The following ANKRD27 variants were observed in gnomAD, a reference collection of about 807,000 sequenced individuals.
ANKRD27 encodes the protein ankyrin repeat domain-containing protein 27.
Under a neutral mutation model 129.7 loss-of-function variants are expected in ANKRD27, and 112 were observed. The observed-to-expected ratio is 0.86, with a 90% CI of 0.74 to 1.01. The LOEUF (loss-of-function observed/expected upper bound fraction) is 1.01, where lower values mean the gene tolerates loss of function less well. Among genes scored for constraint, ANKRD27 ranks in the 50% least tolerant of loss-of-function variants. The pLI is 0.00. For synonymous variants in ANKRD27, 516 were observed against 511.2 expected (o/e 1.01, Z -0.13); for missense variants, 1,258 against 1,300.5 (o/e 0.97, Z 0.50).
chr19:32,656,928 T>C (rs1046574540), intron 2 of ANKRD27, among the ~76,000 whole-genome samples: 2 of 152,222 alleles, frequency 1.3e-5, no homozygotes, highest in African/African-American at 4.8e-5. Context: ...GTGAATTTTA[T>C]GAGATTTTTA....
chr19:32,597,796 C>T lies in ANKRD27; in HGVS notation c.*349G>A. The T allele has an allele frequency of 3.0e-6, 1 of 332,238 alleles. No homozygotes were observed. The highest frequency in any genetic ancestry group is 5.8e-6 in the Non-Finnish European group (1 of 173,296). The allele number at this position is 332,238 out of a possible 1,614,324, so 20.6% of individuals were successfully genotyped here. ...GTACACAGGTCAGAGAGGTTTAGCA[C>T]CTTTTGGGAGGAGGAGGTCAGAATG... On this transcript the variant is annotated 3_prime_UTR_variant, in exon 29 of 29. Coordinates refer to ENST00000306065, the MANE Select transcript of ANKRD27 (RefSeq NM_032139.3).
Position 32,646,742 on chromosome 19 carries a change from C to T in ANKRD27, c.214-127G>A, listed in dbSNP as rs1031659909. On this transcript the variant is annotated intron_variant, in intron 3 of 28. Transcript: ENST00000306065. ...ACCCCATTGTGGGTTTGCTGGGGCA[C>T]AAATACTCTCCTGTTTTGCTCATTT... 20 of 918,940 alleles carry T rather than the reference C, an allele frequency of 2.2e-5. No individual in the cohort carries two copies. In the South Asian group the frequency reaches 3.4e-4, roughly 16 times the overall value. 56.9% of individuals were successfully genotyped at this position (918,940 alleles called of 1,614,324 possible). A position where few individuals can be genotyped will look rare whatever the true frequency, so the allele number is the denominator to read the frequency against.
intron 17 of ANKRD27, 65 bp downstream of exon 17, chr19:32,625,809 T>C: frequency 7.7e-7 from 1 of 1,294,716 alleles, no homozygotes; most frequent in African/African-American, 1.5e-5. Flanking sequence ...TAATGAGAAA[T>C]CCCGACTTCT....
chr19:32,626,862 A>G (rs1303499658), intron 15 of ANKRD27, 35 bp from the exon 16 acceptor site: 20 of 1,473,366 alleles, frequency 1.4e-5, no homozygotes, highest in Non-Finnish European at 1.9e-5. Context: ...TGGAGAAGGA[A>G]GGCGCAGAGG....
chr19:32,642,928 G>T (rs908358001), intron 9 of ANKRD27, 195 bp downstream of exon 9: 1 of 614,464 alleles, frequency 1.6e-6, no homozygotes, highest in Non-Finnish European at 2.9e-6. Context: ...CTGGTGCAGT[G>T]TGGGAGGGGG....
chr19:32,634,095 T>C (rs1967047422), intron 12 of ANKRD27, among the ~76,000 whole-genome samples: 1 of 152,176 alleles, frequency 6.6e-6, no homozygotes, highest in Admixed American at 6.6e-5. Context: ...CATGAAACTA[T>C]ATTATATAAA....
intron 18 of ANKRD27, 125 bp downstream of exon 18, chr19:32,622,297 A>G: frequency 1.0e-6 from 1 of 999,300 alleles, no homozygotes. Flanking sequence ...ATGCGGCAGA[A>G]AGGGTGCAAG....
Position 32,658,954 on chromosome 19 carries a change from C to A in ANKRD27, c.62G>T (p.Arg21Leu), listed in dbSNP as rs545576973. ...GGCCACTTTGCTGCACAAGTCAGGG[C>A]GGCACTTTTGCAGAGCCAGATAGAA... ...NPFYLALQKCRPDLCSKVAQI... is the reference protein window; with the variant it reads ...NPFYLALQKCLPDLCSKVAQI... Residue 21 changes from arginine (R) to leucine (L), a missense_variant, in exon 2 of 29, where the codon CGC becomes CTC. Arg to Leu is a moderately radical substitution (Grantham distance 102). Transcript: ENST00000306065. 1.2e-5 allele frequency: 20 copies of A among 1,613,904 alleles called. No individual in the cohort carries two copies. Among genetic ancestry groups the A allele is most frequent in the African/African-American group, 4.0e-5 (3 of 74,862 alleles).
chr19:32,626,252 C>A lies in ANKRD27; in HGVS notation c.1537-286G>T, dbSNP rs577438799. Among the ~76,000 whole-genome samples the A allele has an allele frequency of 9.6e-4, 146 of 152,272 alleles. 1 individual carries two copies. The highest frequency in any genetic ancestry group is 2.1e-3 in the South Asian group (10 of 4,828). On this transcript the variant is annotated intron_variant, in intron 16 of 28. Coordinates refer to ENST00000306065, the MANE Select transcript of ANKRD27 (RefSeq NM_032139.3). ...GCACGATCATTGCTCACTGCAGCCT[C>A]GACCTGCTGGGCTCTGGCAAACCTC...
intron 2 of ANKRD27, among the ~76,000 whole-genome samples, chr19:32,656,126 A>G (rs541761569): frequency 2.0e-5 from 3 of 149,954 alleles, no homozygotes; most frequent in African/African-American, 7.4e-5. Flanking sequence ...AGAAAAGAAA[A>G]GAAAAGAAAA....
chr19:32,603,707 T>G (rs2145256807), intron 25 of ANKRD27, among the ~76,000 whole-genome samples: 1 of 143,386 alleles, frequency 7.0e-6, no homozygotes, highest in East Asian at 2.3e-4. Flanking sequence ...CTCGGCTGAT[T>G]TTTTGATTTT....
intron 12 of ANKRD27, among the ~76,000 whole-genome samples, chr19:32,632,858 A>AG (rs1272557293): frequency 2.6e-5 from 4 of 152,216 alleles, no homozygotes; most frequent in Admixed American, 6.5e-5. Context: ...ACCTAAAGAT[A>AG]GAGCTGACAG....
Position 32,602,009 on chromosome 19 carries a change from T to C in ANKRD27, c.2767+6A>G. The C allele has an allele frequency of 6.3e-7, 1 of 1,589,724 alleles. No homozygotes were observed. Among genetic ancestry groups the C allele is most frequent in the Non-Finnish European group, 8.6e-7 (1 of 1,161,080 alleles). On this transcript the variant is annotated splice_donor_region_variant and intron_variant, in intron 26 of 28. Transcript: ENST00000306065. ...TGAGCGTGACAGAAAGAACGTAAAC[T>C]CTTACATTTTTTCCTGATCTTAACA...
At chr19:32,634,745 A>G (rs1299663204) in intron 12 of ANKRD27, among the ~76,000 whole-genome samples, 1 of 152,052 alleles carries the variant, frequency 6.6e-6, no homozygotes, top group Non-Finnish European at 1.5e-5. Flanking sequence ...GCAAAATCCT[A>G]TCTCCACAAA....
chr19:32,617,756 T>TA, intron 20 of ANKRD27, 123 bp from the exon 21 acceptor site: 2 of 363,392 alleles, frequency 5.5e-6, no homozygotes, highest in African/African-American at 2.2e-5. Context: ...TGATTTAGTT[T>TA]TTTTTTTTTT....
In ANKRD27 at chr19:32,628,113, G is replaced by A. The variant is rs1966923970; in HGVS notation, c.1390C>T (p.His464Tyr). ...VTPFSRDDRG[H>Y]TPLHVAAVCG... ...ACAGCAGCCACATGGAGAGGGGTGT[G>A]CCCCCTGTCGTCTCTGGAGAATGGA... Residue 464 changes from histidine (H) to tyrosine (Y), a missense_variant, in exon 15 of 29, where the codon CAC (histidine) becomes TAC (tyrosine). Physicochemically the swap from His to Tyr is moderately conservative, Grantham distance 83. Coordinates refer to ENST00000306065, the MANE Select transcript of ANKRD27 (RefSeq NM_032139.3). 2 of 1,614,110 alleles carry A rather than the reference G, an allele frequency of 1.2e-6. No individual in the cohort carries two copies. Among genetic ancestry groups the A allele is most frequent in the Admixed American group, 1.7e-5 (1 of 60,010 alleles).
In ANKRD27 at chr19:32,619,484, G is replaced by C; in HGVS notation, c.1887+10C>G. On this transcript the variant is annotated intron_variant, in intron 19 of 28. Coordinates refer to ENST00000306065, the MANE Select transcript of ANKRD27 (RefSeq NM_032139.3). Reference sequence around the variant, plus strand: ...AAGGTAACCTGACCTGCTCAGCCCGGCTGACTTACCTCGGACGACTTCTGC... The same window carrying C: ...AAGGTAACCTGACCTGCTCAGCCCGCCTGACTTACCTCGGACGACTTCTGC... 1 of 1,614,100 alleles carries C rather than the reference G, an allele frequency of 6.2e-7. No individual in the cohort carries two copies. The highest frequency in any genetic ancestry group is 8.5e-7 in the Non-Finnish European group (1 of 1,180,022).
intron 2 of ANKRD27, among the ~76,000 whole-genome samples, chr19:32,654,564 G>A (rs1479753283): frequency 6.6e-6 from 1 of 152,230 alleles, no homozygotes; most frequent in East Asian, 1.9e-4. Context: ...ACGGACAAGA[G>A]GGGGCCGGCA....
In ANKRD27 at chr19:32,619,383, C is replaced by G. The variant is rs370093443; in HGVS notation, c.1888-4G>C. 177 of 1,613,474 alleles carry G rather than the reference C, an allele frequency of 1.1e-4. 1 individual carries two copies. The highest frequency in any genetic ancestry group is 1.4e-4 in the Non-Finnish European group (167 of 1,179,986). On this transcript the variant is annotated splice_region_variant and splice_polypyrimidine_tract_variant and intron_variant, in intron 19 of 28. Transcript: ENST00000306065. ...GCTGCGGGGACTGCACAGGGGCCTG[C>G]AGCCAAGGAGCCCCAACGAGAGAGA...
Sources: allele counts gnomAD v4.1 joint callset (sites outside exome capture counted in the v4.1 genomes callset), GRCh38; gene constraint gnomAD v4.1.1; transcripts MANE v1.5; gene names NCBI Gene and HGNC (gene_info 2026-07-23, HGNC 2026-07-21).